The following CCDC102B variants were observed in gnomAD, a reference collection of about 807,000 sequenced individuals.
CCDC102B encodes the protein coiled-coil domain containing 102B.
CCDC102B carries 75 observed loss-of-function variants against 57.4 expected under a neutral mutation model. The ratio of observed to expected loss-of-function variants is 1.31; its 90% CI spans 1.08 to 1.58. The LOEUF (loss-of-function observed/expected upper bound fraction) is 1.58, where lower values mean the gene tolerates loss of function less well. Ranked by LOEUF, CCDC102B falls within the 40% of genes most tolerant of loss-of-function variation. CCDC102B has a pLI of 0.00. For missense variants in CCDC102B, 636 were observed against 582.6 expected, an observed-to-expected ratio of 1.09 and a Z score of -0.94; for synonymous variants, 206 against 201.9, an observed-to-expected ratio of 1.02 and a Z score of -0.17.
chr18:68,979,669 T>C (rs1296286715), intron 6 of CCDC102B, among the ~76,000 whole-genome samples: 1 of 152,060 alleles, frequency 6.6e-6, no homozygotes, highest in Non-Finnish European at 1.5e-5. Context: ...AAATGGACCG[T>C]CATGCAATGT....
At chr18:68,949,734 G>A (rs767246995) in intron 6 of CCDC102B, among the ~76,000 whole-genome samples, 15 of 151,800 alleles carry the variant, frequency 9.9e-5, no homozygotes, top group East Asian at 7.8e-4. Flanking sequence ...ATGTTTTTTC[G>A]TCTTTCGCTA....
At chr18:69,052,255 A>G (rs1376538991) in intron 7 of CCDC102B, among the ~76,000 whole-genome samples, 3 of 152,074 alleles carry the variant, frequency 2.0e-5, no homozygotes, top group Non-Finnish European at 4.4e-5. Flanking sequence ...ATTATACATA[A>G]TTATTGATCA....
At chr18:68,765,537 A>C (rs1380236345) in intron 2 of CCDC102B, among the ~76,000 whole-genome samples, 1 of 152,058 alleles carries the variant, frequency 6.6e-6, no homozygotes, top group Non-Finnish European at 1.5e-5. Context: ...GAAAGAGAAA[A>C]TAAGTGGAAG....
intron 6 of CCDC102B, among the ~76,000 whole-genome samples, chr18:68,978,835 A>T (rs2145284518): frequency 6.6e-6 from 1 of 152,208 alleles, no homozygotes; most frequent in East Asian, 1.9e-4. Context: ...CAGCATAAAC[A>T]TTTATAAACA....
intron 5 of CCDC102B, among the ~76,000 whole-genome samples, chr18:68,886,690 A>G (rs906036722): frequency 6.6e-6 from 1 of 152,128 alleles, no homozygotes; most frequent in Non-Finnish European, 1.5e-5. Flanking sequence ...CTACATAGTA[A>G]CCATTTTGAT....
intron 1 of CCDC102B, among the ~76,000 whole-genome samples, chr18:68,828,740 TTATTTAAAAA>T (rs2037017916): frequency 1.3e-5 from 2 of 151,776 alleles, no homozygotes; most frequent in Non-Finnish European, 3.0e-5. Flanking sequence ...AATTGTTACT[TTATTTAAAAA>T]TATTTAAATT....
intron 2 of CCDC102B, among the ~76,000 whole-genome samples, chr18:68,838,151 C>T (rs758987318): frequency 6.6e-6 from 1 of 152,100 alleles, no homozygotes; most frequent in Non-Finnish European, 1.5e-5. Flanking sequence ...GAGTGTCGTG[C>T]AGTTGTTGCT....
chr18:68,965,405 C>A (rs2145241804), intron 6 of CCDC102B, among the ~76,000 whole-genome samples: 1 of 150,654 alleles, frequency 6.6e-6, no homozygotes, highest in South Asian at 2.1e-4. Flanking sequence ...TGATTTCATT[C>A]TTTATAACTT....
At chr18:68,796,691 C>T (rs1349545712), upstream of CCDC102B, among the ~76,000 whole-genome samples, 1 of 151,880 alleles carries the variant, frequency 6.6e-6, no homozygotes, top group South Asian at 2.1e-4. Flanking sequence ...CAAAAGAGGT[C>T]AAGAGGAAAA....
intron 7 of CCDC102B, among the ~76,000 whole-genome samples, chr18:69,012,260 G>A (rs1173295442): frequency 1.3e-5 from 2 of 152,092 alleles, no homozygotes; most frequent in Admixed American, 6.5e-5. Context: ...TAACATGCAA[G>A]TATTTGTTGT....
At chr18:68,727,108 A>T (rs1251607580) in intron 2 of CCDC102B, among the ~76,000 whole-genome samples, 4 of 152,212 alleles carry the variant, frequency 2.6e-5, no homozygotes, top group African/African-American at 9.7e-5. Flanking sequence ...GAAAAAGTCC[A>T]TTTGAAGGGA....
intron 6 of CCDC102B, among the ~76,000 whole-genome samples, chr18:68,990,616 T>TA (rs2050839758): frequency 6.6e-6 from 1 of 152,230 alleles, no homozygotes; most frequent in Non-Finnish European, 1.5e-5. Flanking sequence ...TGTGACTTTT[T>TA]ATTCCCCATT....
chr18:69,002,256 C>T (rs752595033), intron 6 of CCDC102B, among the ~76,000 whole-genome samples: 4 of 152,172 alleles, frequency 2.6e-5, no homozygotes, highest in South Asian at 2.1e-4. Flanking sequence ...CTTCCAATGG[C>T]GCAAAGTGAC....
chr18:68,958,716 T>C (rs775881142), intron 6 of CCDC102B, among the ~76,000 whole-genome samples: 5 of 152,184 alleles, frequency 3.3e-5, no homozygotes, highest in Non-Finnish European at 5.9e-5. Context: ...TCTGATTGTG[T>C]ATTTACACAT....
At chr18:68,847,421 T>TTA (rs2037922400) in intron 4 of CCDC102B, among the ~76,000 whole-genome samples, 1 of 151,264 alleles carries the variant, frequency 6.6e-6, no homozygotes, top group Non-Finnish European at 1.5e-5. Context: ...AAAATTTAAG[T>TTA]AAAAAAAAGA....
At chr18:68,927,821 A>C (rs960389825) in intron 6 of CCDC102B, among the ~76,000 whole-genome samples, 3 of 151,876 alleles carry the variant, frequency 2.0e-5, no homozygotes, top group African/African-American at 7.2e-5. Context: ...CTGCTTGTGT[A>C]ACTAGGTATA....
At chr18:68,850,830 C>A (rs1335444128) in intron 4 of CCDC102B, among the ~76,000 whole-genome samples, 1 of 152,066 alleles carries the variant, frequency 6.6e-6, no homozygotes, top group Non-Finnish European at 1.5e-5. Context: ...AAATATCATA[C>A]ACCTCAGACC....
chr18:68,947,348 C>T (rs1254693601), intron 6 of CCDC102B, among the ~76,000 whole-genome samples: 1 of 151,954 alleles, frequency 6.6e-6, no homozygotes, highest in Non-Finnish European at 1.5e-5. Context: ...AAATTTGAAG[C>T]TTATATTTGC....
intron 2 of CCDC102B, among the ~76,000 whole-genome samples, chr18:68,726,251 T>C (rs192501491): frequency 2.0e-5 from 3 of 152,340 alleles, no homozygotes; most frequent in Non-Finnish European, 4.4e-5. Context: ...GTAGGTCTGC[T>C]CTTCATTCAG....
Sources: allele counts gnomAD v4.1 joint callset (sites outside exome capture counted in the v4.1 genomes callset), GRCh38; gene constraint gnomAD v4.1.1; transcripts MANE v1.5; gene names NCBI Gene and HGNC (gene_info 2026-07-23, HGNC 2026-07-21).